FHIT: variants seen among roughly 807,000 people sequenced by gnomAD.
The protein encoded by FHIT is bis(5'-adenosyl)-triphosphatase.
A neutral mutation model predicts 17.9 loss-of-function variants in FHIT; 19 were observed. That is an observed-to-expected ratio of 1.06 (90% CI 0.74 to 1.56). The LOEUF is 1.56. FHIT is among the 40% of genes most tolerant of loss of function. FHIT has a pLI of 0.00. For synonymous variants in FHIT, 81 were observed against 69.7 expected (o/e 1.16, Z -0.81); for missense variants, 248 against 189.2 (o/e 1.31, Z -1.82).
At chr3:61,014,288 C>G (rs2107630113) in intron 3 of FHIT, among the ~76,000 whole-genome samples, 1 of 152,258 alleles carries the variant, frequency 6.6e-6, no homozygotes, top group Admixed American at 6.5e-5. Flanking sequence ...TGTATTTCTT[C>G]TCTCCTTTCC....
intron 3 of FHIT, among the ~76,000 whole-genome samples, chr3:60,855,077 T>C (rs1261093188): frequency 6.6e-6 from 1 of 152,174 alleles, no homozygotes; most frequent in Non-Finnish European, 1.5e-5. Flanking sequence ...ATGGTATTCC[T>C]CTTAGAACAC....
chr3:61,201,137 C>T (rs1036344254), intron 1 of FHIT, among the ~76,000 whole-genome samples: 3 of 152,186 alleles, frequency 2.0e-5, no homozygotes, highest in Non-Finnish European at 2.9e-5. Context: ...TAAACCTCAC[C>T]ACTTGCTCCG....
chr3:60,450,927 C>T (rs1443672050), intron 5 of FHIT, among the ~76,000 whole-genome samples: 1 of 152,008 alleles, frequency 6.6e-6, no homozygotes, highest in East Asian at 1.9e-4. Flanking sequence ...CTCATATGGG[C>T]TATTTAAGTG....
intron 2 of FHIT, among the ~76,000 whole-genome samples, chr3:61,190,117 C>T (rs2038666706): frequency 6.6e-6 from 1 of 152,026 alleles, no homozygotes; most frequent in Non-Finnish European, 1.5e-5. Context: ...TTCTGCACAG[C>T]AAAAGAAACT....
intron 5 of FHIT, among the ~76,000 whole-genome samples, chr3:60,219,615 AAT>A (rs1482400557): frequency 6.6e-6 from 1 of 152,174 alleles, no homozygotes; most frequent in Non-Finnish European, 1.5e-5. Context: ...CATCTGACAG[AAT>A]ATGTTTACTT....
Position 60,410,280 on chromosome 3 carries a change from G to A in FHIT, c.103+126580C>T, listed in dbSNP as rs1702015332. On this transcript the variant is annotated intron_variant, in intron 5 of 9. Transcript: ENST00000492590. Reference sequence around the variant, plus strand: ...TTATCCAGATGGTACAAGATGGCAGGTAATGTATGGATAATTGCAAGCCTC... The same window carrying A: ...TTATCCAGATGGTACAAGATGGCAGATAATGTATGGATAATTGCAAGCCTC... Among the ~76,000 whole-genome samples the A allele has an allele frequency of 2.0e-5, 3 of 152,092 alleles. 1 individual carries two copies. In the South Asian group the frequency reaches 6.2e-4, roughly 32 times the overall value.
rs146614424 is a variant in FHIT, at chr3:61,050,145, G to C, written c.-163-8046C>G. Among the ~76,000 whole-genome samples the C allele has an allele frequency of 2.0e-4, 30 of 152,180 alleles. No individual in the cohort carries two copies. The East Asian group carries it at 5.2e-3, about 26-fold the overall frequency. ...CATGAAACTTATATTAAATAAATCGGTTTGCTTTTCTCTTGTAAATCTATC... is the reference window on the plus strand; with the variant it reads ...CATGAAACTTATATTAAATAAATCGCTTTGCTTTTCTCTTGTAAATCTATC... On this transcript the variant is annotated intron_variant, in intron 2 of 9. Transcript: ENST00000492590.
At chr3:59,872,042 A>C (rs1453440511) in intron 8 of FHIT, among the ~76,000 whole-genome samples, 1 of 152,220 alleles carries the variant, frequency 6.6e-6, no homozygotes, top group Non-Finnish European at 1.5e-5. Context: ...TCCAGATTAT[A>C]CTAATCAATT....
intron 4 of FHIT, among the ~76,000 whole-genome samples, chr3:60,681,043 G>A (rs2107862171): frequency 6.6e-6 from 1 of 152,226 alleles, no homozygotes; most frequent in African/African-American, 2.4e-5. Flanking sequence ...TTAAGTACAG[G>A]CATACCTTGT....
intron 5 of FHIT, among the ~76,000 whole-genome samples, chr3:60,231,193 C>A (rs1163320395): frequency 1.3e-5 from 2 of 152,136 alleles, no homozygotes; most frequent in Non-Finnish European, 2.9e-5. Context: ...ATATATTATT[C>A]TCCTTCTTTG....
At chr3:61,225,802 G>A (rs187929665) in intron 1 of FHIT, among the ~76,000 whole-genome samples, 109 of 152,284 alleles carry the variant, frequency 7.2e-4, no homozygotes, top group Admixed American at 6.8e-3. Context: ...CCATCACCAT[G>A]TTAGTACTTT....
At chr3:60,514,491 C>T (rs937002079) in intron 5 of FHIT, among the ~76,000 whole-genome samples, 4 of 152,072 alleles carry the variant, frequency 2.6e-5, no homozygotes, top group Admixed American at 6.5e-5. Context: ...TGGGGCCTGT[C>T]GAGGAGGTGG....
chr3:61,107,851 G>A (rs1235005064), intron 2 of FHIT, among the ~76,000 whole-genome samples: 1 of 152,222 alleles, frequency 6.6e-6, no homozygotes, highest in Non-Finnish European at 1.5e-5. Context: ...AGCTGGATTG[G>A]TTGCAGCTGG....
At chr3:59,986,530 T>TTTATATAA (rs1559523567) in intron 7 of FHIT, among the ~76,000 whole-genome samples, 7 of 4,458 alleles carry the variant, frequency 1.6e-3, no homozygotes, top group African/African-American at 4.4e-3. Context: ...TATATATATA[T>TTTATATAA]ATATATATAT....
chr3:60,086,525 T>A (rs531527747), intron 5 of FHIT, among the ~76,000 whole-genome samples: 1 of 152,202 alleles, frequency 6.6e-6, no homozygotes, highest in Non-Finnish European at 1.5e-5. Context: ...GCTATGAGCC[T>A]ATAGGATCAA....
At chr3:61,102,921 G>A (rs2035878112) in intron 2 of FHIT, among the ~76,000 whole-genome samples, 1 of 151,990 alleles carries the variant, frequency 6.6e-6, no homozygotes, top group African/African-American at 2.4e-5. Context: ...ATTTTTTATT[G>A]CATCTATTTG....
At chr3:60,089,856 T>C (rs1301595739) in intron 5 of FHIT, among the ~76,000 whole-genome samples, 2 of 152,164 alleles carry the variant, frequency 1.3e-5, no homozygotes, top group African/African-American at 4.8e-5. Context: ...AATTGGGGAT[T>C]AAGTTTTAAC....
intron 4 of FHIT, among the ~76,000 whole-genome samples, chr3:60,587,741 GCTT>G (rs1219569554): frequency 6.6e-6 from 1 of 151,900 alleles, no homozygotes; most frequent in Non-Finnish European, 1.5e-5. Flanking sequence ...TATTTATTGA[GCTT>G]CTGCTAATGC....
intron 4 of FHIT, among the ~76,000 whole-genome samples, chr3:60,591,501 C>T (rs534793311): frequency 6.6e-6 from 1 of 152,200 alleles, no homozygotes; most frequent in East Asian, 1.9e-4. Flanking sequence ...GGAAAAACAG[C>T]CACTAGGCTG....
Sources: allele counts gnomAD v4.1 joint callset (sites outside exome capture counted in the v4.1 genomes callset), GRCh38; gene constraint gnomAD v4.1.1; transcripts MANE v1.5; gene names NCBI Gene and HGNC (gene_info 2026-07-23, HGNC 2026-07-21).